Variants in INHBC observed in about 807,000 individuals in gnomAD.
INHBC encodes the protein inhibin subunit beta C.
A neutral mutation model predicts 12.4 loss-of-function variants in INHBC; 10 were observed. That is an observed-to-expected ratio of 0.81 (90% CI 0.50 to 1.37). The LOEUF (loss-of-function observed/expected upper bound fraction) is 1.37. Ranked by LOEUF, INHBC falls within the 40% of genes most tolerant of loss-of-function variation. The pLI is 0.00. For synonymous variants in INHBC, 147 were observed against 171.6 expected, an observed-to-expected ratio of 0.86 and a Z score of 1.12; for missense variants, 382 against 439.4, an observed-to-expected ratio of 0.87 and a Z score of 1.17.
Position 57,449,268 on chromosome 12 carries a change from T to C in INHBC, c.314-9T>C. 1 of 1,601,096 alleles carries C rather than the reference T, an allele frequency of 6.2e-7. No homozygotes were observed. Among genetic ancestry groups the C allele is most frequent in the South Asian group, 1.1e-5 (1 of 89,460 alleles). ...AGGCCGCAATGACTGGGGCTTCTTA[T>C]GTCCACAGGCCTCTCCACCATCAAC... On this transcript the variant is annotated splice_polypyrimidine_tract_variant and intron_variant, in intron 1 of 1. Transcript: ENST00000309668.
chr12:57,447,560 A>G (rs1375635876), intron 1 of INHBC, among the ~76,000 whole-genome samples: 1 of 151,406 alleles, frequency 6.6e-6, no homozygotes, highest in Non-Finnish European at 1.5e-5. Context: ...GAAGGAAAGT[A>G]ATTATTTTTC....
intron 1 of INHBC, among the ~76,000 whole-genome samples, chr12:57,443,476 G>T (rs1262679894): frequency 6.6e-6 from 1 of 151,830 alleles, no homozygotes; most frequent in African/African-American, 2.4e-5. Context: ...TAGAGATGGG[G>T]TTTCTCCATG....
In INHBC at chr12:57,434,975, G is replaced by A; in HGVS notation, c.89G>A (p.Gly30Glu). 1 of 1,614,168 alleles carries A rather than the reference G, an allele frequency of 6.2e-7. No homozygotes were observed. The highest frequency in any genetic ancestry group is 8.5e-7 in the Non-Finnish European group (1 of 1,180,044). Residue 30 changes from glycine to glutamate, a missense_variant, in exon 1 of 2, where the codon GGG becomes GAG. Gly to Glu is a moderately conservative substitution (Grantham distance 98, BLOSUM62 -2). Coordinates refer to ENST00000309668, the MANE Select transcript of INHBC (RefSeq NM_005538.4). ...PRAGGQCPAC[G>E]GPTLELESQR... is the part of the protein sequence containing the mutation. ...GCTGGCGGTCAGTGTCCAGCATGTG[G>A]GGGGCCCACCTTGGAACTGGAGAGC...
At chr12:57,447,990 A>G (rs1324899056) in intron 1 of INHBC, among the ~76,000 whole-genome samples, 1 of 145,866 alleles carries the variant, frequency 6.9e-6, no homozygotes, top group African/African-American at 2.5e-5. Context: ...ATATACACAC[A>G]TGCATACACA....
Position 57,450,160 on chromosome 12 carries a change from AC to A in INHBC, c.*142del. 1.1e-6 allele frequency: 1 copy of A among 933,758 alleles called. No individual in the cohort carries two copies. Among genetic ancestry groups the A allele is most frequent in the Non-Finnish European group, 1.5e-6 (1 of 672,976 alleles). The allele number at this position is 933,758 out of a possible 1,614,324, so 57.8% of individuals were successfully genotyped here. Reference sequence around the variant, plus strand: ...TCTTCCTGAGCATCTTATGGAAATTACCCCACCTTTGACTTGAAGAAACCTT... The same window carrying A: ...TCTTCCTGAGCATCTTATGGAAATTACCCACCTTTGACTTGAAGAAACCTT... On this transcript the variant is annotated 3_prime_UTR_variant, in exon 2 of 2. Coordinates refer to ENST00000309668, the MANE Select transcript of INHBC (RefSeq NM_005538.4).
chr12:57,446,991 G>C (rs969429830), intron 1 of INHBC, among the ~76,000 whole-genome samples: 1 of 152,186 alleles, frequency 6.6e-6, no homozygotes, highest in African/African-American at 2.4e-5. Context: ...TGTGGAAGGT[G>C]TTGGTGATCT....
At chr12:57,445,836 C>T (rs538518295) in intron 1 of INHBC, among the ~76,000 whole-genome samples, 1 of 150,478 alleles carries the variant, frequency 6.6e-6, no homozygotes, top group Non-Finnish European at 1.5e-5. Flanking sequence ...ACCTCTGCCT[C>T]GCAGGTTCAA....
intron 1 of INHBC, among the ~76,000 whole-genome samples, chr12:57,435,475 G>A (rs957620708): frequency 2.6e-5 from 4 of 152,140 alleles, no homozygotes; most frequent in Non-Finnish European, 4.4e-5. Context: ...TCTCTCTGCA[G>A]GCCCCACAAA....
Position 57,451,924 on chromosome 12 carries a change from C to T in INHBC, c.*1902C>T, listed in dbSNP as rs964604369. On this transcript the variant is annotated 3_prime_UTR_variant, in exon 2 of 2. Coordinates refer to ENST00000309668, the MANE Select transcript of INHBC (RefSeq NM_005538.4). ...AAAGTGAGTCATTCACCTGGGGGGG[C>T]TAAATTTTAAGGGGGTGGTGAACAA... 2.3e-6 allele frequency: 1 copy of T among 432,076 alleles called. No individual in the cohort carries two copies. Among genetic ancestry groups the T allele is most frequent in the African/African-American group, 2.1e-5 (1 of 48,550 alleles). The allele number at this position is 432,076 out of a possible 1,614,324, so 26.8% of individuals were successfully genotyped here.
At chr12:57,448,604 C>A (rs949167232) in intron 1 of INHBC, among the ~76,000 whole-genome samples, 4 of 150,500 alleles carry the variant, frequency 2.7e-5, no homozygotes, top group African/African-American at 9.8e-5. Context: ...TGTTGCTTGA[C>A]CATGAGTCTA....
At position 57,451,969 on chromosome 12, in the gene INHBC, C is replaced by A; in HGVS notation, c.*1947C>A. On this transcript the variant is annotated 3_prime_UTR_variant, in exon 2 of 2. Coordinates refer to ENST00000309668, the MANE Select transcript of INHBC (RefSeq NM_005538.4). ...GAACAATTTATTAATCAAGATAGGACTTTAATGCAATATTATTTTAAAGTC... is the reference window on the plus strand; with the variant it reads ...GAACAATTTATTAATCAAGATAGGAATTTAATGCAATATTATTTTAAAGTC... The A allele has an allele frequency of 2.6e-6, 1 of 378,324 alleles. No individual in the cohort carries two copies. The allele number at this position is 378,324 out of a possible 1,614,324, so 23.4% of individuals were successfully genotyped here.
In INHBC at chr12:57,451,048, T is replaced by C. The variant is rs1250899885; in HGVS notation, c.*1026T>C. 6.6e-6 allele frequency among the ~76,000 whole-genome samples: 1 copy of C among 152,244 alleles called. No homozygotes were observed. The highest frequency in any genetic ancestry group is 2.4e-5 in the African/African-American group (1 of 41,470). On this transcript the variant is annotated 3_prime_UTR_variant, in exon 2 of 2. Transcript: ENST00000309668. ...TGACACAGAGCCTGCCTGCTTATGC[T>C]GTAGTCTGCCTACTCTGCTGTCTCT...
intron 1 of INHBC, among the ~76,000 whole-genome samples, chr12:57,443,113 C>T (rs1278980924): frequency 4.1e-5 from 3 of 72,398 alleles, no homozygotes; most frequent in South Asian, 5.7e-4. Flanking sequence ...ATAAAGCACT[C>T]TTTTTTTTTT....
At position 57,449,444 on chromosome 12, in the gene INHBC, A is replaced by G; in HGVS notation, c.481A>G (p.Asn161Asp). 6.2e-7 allele frequency: 1 copy of G among 1,614,166 alleles called. No homozygotes were observed. The highest frequency in any genetic ancestry group is 1.1e-5 in the South Asian group (1 of 91,088). The change falls in exon 2 of 2, where the codon AAC becomes GAC. Residue 161 changes from asparagine to aspartate, a missense_variant. Coordinates refer to ENST00000309668, the MANE Select transcript of INHBC (RefSeq NM_005538.4). ...CCTTGTGCTGGGTCCACATAATACC[A>G]ACCTCACCTTGGCTACTCAGTACCT... ...RVLVLGPHNT[N>D]LTLATQYLLE... is the part of the protein sequence containing the mutation.
At chr12:57,435,417 T>C (rs534028597) in intron 1 of INHBC, among the ~76,000 whole-genome samples, 8 of 152,258 alleles carry the variant, frequency 5.3e-5, no homozygotes, top group Admixed American at 2.6e-4. Flanking sequence ...GGAAAGCTGG[T>C]AAATTTCACT....
intron 1 of INHBC, among the ~76,000 whole-genome samples, chr12:57,448,068 T>C (rs190997655): frequency 0.012 from 1,801 of 150,894 alleles, 33 homozygotes; most frequent in African/African-American, 0.041. Context: ...TGCCTCAGTC[T>C]CCCAAGTAGC....
In INHBC at chr12:57,450,152, T is replaced by C. The variant is rs138741409; in HGVS notation, c.*130T>C. 8 of 1,023,504 alleles carry C rather than the reference T, an allele frequency of 7.8e-6. No homozygotes were observed. The Admixed American group carries it at 9.7e-5, about 12-fold the overall frequency. 63.4% of individuals were successfully genotyped at this position (1,023,504 alleles called of 1,614,324 possible). ...GGACTCCCTCTTCCTGAGCATCTTA[T>C]GGAAATTACCCCACCTTTGACTTGA... On this transcript the variant is annotated 3_prime_UTR_variant, in exon 2 of 2. Coordinates refer to ENST00000309668, the MANE Select transcript of INHBC (RefSeq NM_005538.4).
intron 1 of INHBC, among the ~76,000 whole-genome samples, chr12:57,442,644 A>T (rs1333962285): frequency 6.6e-6 from 1 of 152,134 alleles, no homozygotes. Flanking sequence ...GAACTGACTT[A>T]TCTAGAGAGA....
chr12:57,447,663 T>C (rs571764393), intron 1 of INHBC, among the ~76,000 whole-genome samples: 1 of 149,250 alleles, frequency 6.7e-6, no homozygotes, highest in South Asian at 2.1e-4. Context: ...GCAGGGCGAA[T>C]CACTTGAGGT....
Sources: gnomAD v4.1 joint callset for allele counts (sites outside exome capture counted in the v4.1 genomes callset) on GRCh38, gnomAD v4.1.1 for gene constraint, MANE v1.5 for transcripts, NCBI Gene and HGNC (gene_info 2026-07-23, HGNC 2026-07-21) for gene names.